ALX4: variants seen among roughly 807,000 people sequenced by gnomAD.
ALX4 encodes ALX homeobox 4, also known as homeobox protein aristaless-like 4.
ALX4 carries 22 observed loss-of-function variants against 40.6 expected under a neutral mutation model. That is an observed-to-expected ratio of 0.54 (90% confidence interval 0.39 to 0.77). ALX4 has a LOEUF of 0.77. Among genes scored for constraint, ALX4 ranks in the 30% least tolerant of loss-of-function variants. ALX4 has a pLI of 0.00. For missense variants in ALX4, 556 were observed against 564.8 expected (o/e 0.98, Z 0.16); for synonymous variants, 266 against 240.5 (o/e 1.11, Z -0.98).
chr11:44,280,898 C>T (rs551955344), intron 1 of ALX4, among the ~76,000 whole-genome samples: 2 of 152,222 alleles, frequency 1.3e-5, no homozygotes, highest in Non-Finnish European at 2.9e-5. Context: ...GGGGGACCCC[C>T]GTACCACTGG....
intron 3 of ALX4, among the ~76,000 whole-genome samples, chr11:44,266,041 G>A (rs930008574): frequency 1.3e-5 from 2 of 152,154 alleles, no homozygotes; most frequent in African/African-American, 4.8e-5. Flanking sequence ...GGCTTCTGCT[G>A]GCCTGCCCTC....
intron 1 of ALX4, among the ~76,000 whole-genome samples, chr11:44,296,407 G>C (rs1203568088): frequency 4.6e-5 from 7 of 152,156 alleles, no homozygotes; most frequent in Non-Finnish European, 8.8e-5. Flanking sequence ...ACGATTTCTT[G>C]AATATGACAC....
In ALX4 at chr11:44,262,640, T is replaced by A. The variant is rs1956189330; in HGVS notation, c.*2214A>T. On this transcript the variant is annotated 3_prime_UTR_variant, in exon 4 of 4. Coordinates refer to ENST00000652299, the MANE Select transcript of ALX4 (RefSeq NM_021926.4). ...TGTCTGTCCTCCTCTTTGTCCTGAT[T>A]CCCTTGCTCTCCCTCCTGGCCCACT... is the stretch of plus-strand genomic sequence containing the variant. 6.6e-6 allele frequency: 1 copy of A among 152,456 alleles called. No homozygotes were observed. Among genetic ancestry groups the A allele is most frequent in the Non-Finnish European group, 1.5e-5 (1 of 68,262 alleles). The allele number at this position is 152,456 out of a possible 1,614,324, so 9.4% of individuals were successfully genotyped here.
intron 1 of ALX4, among the ~76,000 whole-genome samples, chr11:44,305,917 C>CTGGT (rs1956464490): frequency 6.6e-6 from 1 of 152,244 alleles, no homozygotes; most frequent in Non-Finnish European, 1.5e-5. Context: ...TAGACTAGGA[C>CTGGT]CAGTACGCGC....
At chr11:44,280,841 C>G (rs551867984) in intron 1 of ALX4, among the ~76,000 whole-genome samples, 76 of 152,336 alleles carry the variant, frequency 5.0e-4, no homozygotes, top group African/African-American at 1.8e-3. Context: ...GTTGTATTCT[C>G]AATCGGGAGC....
Position 44,264,811 on chromosome 11 carries a change from G to A in ALX4, c.*43C>T. On this transcript the variant is annotated 3_prime_UTR_variant, in exon 4 of 4. Transcript: ENST00000652299. ...CTGGGGGCCTGGAAAACATGGGCGT[G>A]GCCCATGGTGTCCCGAGGTGGGGAC... 1 of 1,596,806 alleles carries A rather than the reference G, an allele frequency of 6.3e-7. No homozygotes were observed. The highest frequency in any genetic ancestry group is 8.6e-7 in the Non-Finnish European group (1 of 1,168,002).
intron 2 of ALX4, among the ~76,000 whole-genome samples, chr11:44,272,428 C>T (rs567812461): frequency 7.0e-4 from 107 of 151,916 alleles, no homozygotes; most frequent in Middle Eastern, 3.4e-3. Context: ...CGCTTGAACC[C>T]GGGAGGCAGA....
At chr11:44,280,128 C>T in intron 1 of ALX4, among the ~76,000 whole-genome samples, 1 of 152,138 alleles carries the variant, frequency 6.6e-6, no homozygotes, top group Non-Finnish European at 1.5e-5. Context: ...ACGAATGCCA[C>T]CATTCAAGGC....
intron 1 of ALX4, among the ~76,000 whole-genome samples, chr11:44,280,302 T>C (rs932832241): frequency 1.3e-5 from 2 of 152,102 alleles, no homozygotes; most frequent in African/African-American, 4.8e-5. Context: ...AGAAACCCAG[T>C]CCAGGATCTG....
chr11:44,293,751 C>T (rs1044052116), intron 1 of ALX4, among the ~76,000 whole-genome samples: 9 of 152,230 alleles, frequency 5.9e-5, no homozygotes, highest in Admixed American at 2.6e-4. Context: ...CCCCTGGCTT[C>T]GCCAACACTG....
At chr11:44,291,350 GTCT>G (rs941476161) in intron 1 of ALX4, among the ~76,000 whole-genome samples, 3 of 152,124 alleles carry the variant, frequency 2.0e-5, no homozygotes, top group African/African-American at 7.2e-5. Context: ...TGTTGTCACT[GTCT>G]GGCACCCAAG....
At chr11:44,302,490 A>G (rs1353601713) in intron 1 of ALX4, among the ~76,000 whole-genome samples, 1 of 152,222 alleles carries the variant, frequency 6.6e-6, no homozygotes, top group African/African-American at 2.4e-5. Context: ...CCAACTGTAC[A>G]AAACACTTGG....
chr11:44,268,166 G>A (rs939037888), intron 2 of ALX4, among the ~76,000 whole-genome samples: 5 of 152,206 alleles, frequency 3.3e-5, no homozygotes, highest in African/African-American at 9.7e-5. Flanking sequence ...TGTGTTAAAG[G>A]GAGAACAGGG....
At chr11:44,289,829 G>A (rs1171038972) in intron 1 of ALX4, among the ~76,000 whole-genome samples, 5 of 152,080 alleles carry the variant, frequency 3.3e-5, no homozygotes, top group Admixed American at 6.5e-5. Flanking sequence ...GAAGTTTCCC[G>A]GCTCCTCGTC....
At chr11:44,280,133 C>A (rs1005983070) in intron 1 of ALX4, among the ~76,000 whole-genome samples, 1 of 152,160 alleles carries the variant, frequency 6.6e-6, no homozygotes, top group Non-Finnish European at 1.5e-5. Flanking sequence ...TGCCACCATT[C>A]AAGGCTGACA....
intron 1 of ALX4, among the ~76,000 whole-genome samples, chr11:44,277,365 G>A (rs1956283973): frequency 6.6e-6 from 1 of 152,206 alleles, no homozygotes; most frequent in South Asian, 2.1e-4. Context: ...AGATGTGGGT[G>A]TGAACTCCTC....
chr11:44,304,554 C>T (rs1476140644), intron 1 of ALX4, among the ~76,000 whole-genome samples: 1 of 152,210 alleles, frequency 6.6e-6, no homozygotes, highest in East Asian at 1.9e-4. Flanking sequence ...AACTATCCCC[C>T]TCCTCTCCTG....
intron 1 of ALX4, among the ~76,000 whole-genome samples, chr11:44,282,091 G>C (rs980789479): frequency 2.6e-5 from 4 of 152,210 alleles, no homozygotes; most frequent in South Asian, 4.1e-4. Context: ...ATGTGTTCTG[G>C]GGGGAATGCT....
At chr11:44,295,921 A>G (rs1423019778) in intron 1 of ALX4, among the ~76,000 whole-genome samples, 2 of 152,234 alleles carry the variant, frequency 1.3e-5, no homozygotes, top group Admixed American at 1.3e-4. Flanking sequence ...GTGGCTCTAG[A>G]GTCCTCGCCT....
Sources: allele counts gnomAD v4.1 joint callset (sites outside exome capture counted in the v4.1 genomes callset), GRCh38; gene constraint gnomAD v4.1.1; transcripts MANE v1.5; gene names NCBI Gene and HGNC (gene_info 2026-07-23, HGNC 2026-07-21).